The following RHPN2 variants were observed in gnomAD, a reference collection of about 807,000 sequenced individuals.
RHPN2 encodes the protein rhophilin Rho GTPase binding protein 2, also known as rhophilin-2.
In RHPN2, 40 loss-of-function variants were observed where a neutral mutation model predicts 79.0. The observed-to-expected ratio is 0.51, with a 90% confidence interval of 0.39 to 0.66. The LOEUF (loss-of-function observed/expected upper bound fraction) is 0.66. Among genes scored for constraint, RHPN2 ranks in the 30% least tolerant of loss-of-function variants. RHPN2 has a pLI of 0.00. For missense variants in RHPN2, 686 were observed against 883.5 expected, an observed-to-expected ratio of 0.78 and a Z score of 2.83; for synonymous variants, 285 against 363.5, an observed-to-expected ratio of 0.78 and a Z score of 2.46.
chr19:32,987,386 T>C lies in RHPN2; in HGVS notation c.1800+3128A>G, dbSNP rs149796171. Reference sequence around the variant, plus strand: ...TTTATATCCATGGACTCAAAATCCATTGGCTCTCTGGCCCTCTCTCAACTG... The same window carrying C: ...TTTATATCCATGGACTCAAAATCCACTGGCTCTCTGGCCCTCTCTCAACTG... On this transcript the variant is annotated intron_variant, in intron 14 of 14. Transcript: ENST00000254260. Among the ~76,000 whole-genome samples, 589 of 152,314 alleles carry C rather than the reference T, an allele frequency of 3.9e-3. 2 individuals carry two copies. Among genetic ancestry groups the C allele is most frequent in the African/African-American group, 0.014 (564 of 41,574 alleles).
intron 1 of RHPN2, among the ~76,000 whole-genome samples, chr19:33,059,024 G>A (rs1208446437): frequency 1.3e-5 from 2 of 152,000 alleles, no homozygotes; most frequent in East Asian, 3.9e-4. Flanking sequence ...GAACCCAGGA[G>A]GTGAAGGTTG....
intron 1 of RHPN2, among the ~76,000 whole-genome samples, chr19:33,045,128 T>C (rs1972132132): frequency 6.7e-6 from 1 of 149,332 alleles, no homozygotes; most frequent in Non-Finnish European, 1.5e-5. Flanking sequence ...CTCGGCTCAC[T>C]GCAATCTCCG....
chr19:32,997,439 TAAGAGAAGAC>T (rs1971711167), intron 10 of RHPN2, among the ~76,000 whole-genome samples: 1 of 151,808 alleles, frequency 6.6e-6, no homozygotes, highest in African/African-American at 2.4e-5. Flanking sequence ...GCGGAGATGG[TAAGAGAAGAC>T]TGGGAATGGG....
At chr19:33,044,448 C>T in intron 1 of RHPN2, 84 bp from the exon 2 acceptor site, 1 of 883,444 alleles carries the variant, frequency 1.1e-6, no homozygotes, top group East Asian at 2.6e-5. Flanking sequence ...AAATGTTTAA[C>T]TTTAAAAATA....
chr19:32,993,865 C>G (rs1280753366), intron 12 of RHPN2, 112 bp downstream of exon 12: 2 of 815,418 alleles, frequency 2.5e-6, no homozygotes. Context: ...GTCATAAGCC[C>G]CCCAGTTTGA....
Position 33,002,534 on chromosome 19 carries a change from A to C in RHPN2, c.949-131T>G, listed in dbSNP as rs556458246. On this transcript the variant is annotated intron_variant, in intron 8 of 14. Transcript: ENST00000254260. Reference sequence around the variant, plus strand: ...AGGGGCTGCTCCAGAATCTGGGAGCAACTCCAAGAGACCCCTCGTTCTGTC... The same window carrying C: ...AGGGGCTGCTCCAGAATCTGGGAGCCACTCCAAGAGACCCCTCGTTCTGTC... 199 of 1,115,886 alleles carry C rather than the reference A, an allele frequency of 1.8e-4. 2 individuals are homozygous for C. Among genetic ancestry groups the C allele is most frequent in the Middle Eastern group, 1.1e-3 (4 of 3,520 alleles). The allele number at this position is 1,115,886 out of a possible 1,614,324, so 69.1% of individuals were successfully genotyped here.
intron 1 of RHPN2, among the ~76,000 whole-genome samples, chr19:33,054,620 G>A (rs1250512821): frequency 6.6e-6 from 1 of 152,174 alleles, no homozygotes; most frequent in Non-Finnish European, 1.5e-5. Flanking sequence ...TGCTCCAAGT[G>A]GGGAACCTTG....
chr19:32,985,876 C>G (rs1971609818), intron 14 of RHPN2, among the ~76,000 whole-genome samples: 2 of 152,204 alleles, frequency 1.3e-5, no homozygotes, highest in Non-Finnish European at 2.9e-5. Flanking sequence ...AAGTGATCCG[C>G]CGGCCTTGGC....
intron 7 of RHPN2, among the ~76,000 whole-genome samples, chr19:33,007,473 G>A (rs1433796680): frequency 6.7e-6 from 1 of 149,066 alleles, no homozygotes; most frequent in Non-Finnish European, 1.5e-5. Context: ...TGCAACAAGA[G>A]CAAAACTCCA....
intron 4 of RHPN2, among the ~76,000 whole-genome samples, chr19:33,016,542 G>A (rs1341651108): frequency 6.6e-6 from 1 of 152,026 alleles, no homozygotes; most frequent in Non-Finnish European, 1.5e-5. Context: ...TTAGCTGGGT[G>A]TGGTGGTGGG....
intron 2 of RHPN2, among the ~76,000 whole-genome samples, chr19:33,034,783 C>CAAA (rs58456679): frequency 7.9e-5 from 4 of 50,900 alleles, no homozygotes; most frequent in Admixed American, 2.7e-4. Context: ...GACTCCATCT[C>CAAA]AAAAAAAAAA....
At chr19:33,007,907 G>T in intron 7 of RHPN2, 107 bp downstream of exon 7, 9 of 961,718 alleles carry the variant, frequency 9.4e-6, no homozygotes, top group Non-Finnish European at 7.3e-6. Flanking sequence ...CTGGAGACTG[G>T]TCTGGCCCTT....
rs1174416898 is a variant in RHPN2 at position 33,064,826 on chromosome 19, G to A, written c.27C>T (p.Ala9=). Residue 9 remains alanine (A), a synonymous_variant, in exon 1 of 15, where the codon GCC becomes GCT. Coordinates refer to ENST00000254260, the MANE Select transcript of RHPN2 (RefSeq NM_033103.5). ...CGTTCTCCTTCTCCAGCGGCTGGGG[G>A]GCCGCGGGCAACAGCGCGTCGGTCA... MTDALLPA[A]PQPLEKENDG... The A allele has an allele frequency of 6.6e-6, 10 of 1,520,256 alleles. No individual in the cohort carries two copies. The highest frequency in any genetic ancestry group is 7.9e-6 in the Non-Finnish European group (9 of 1,140,722). 94.2% of individuals were successfully genotyped at this position (1,520,256 alleles called of 1,614,324 possible).
intron 4 of RHPN2, among the ~76,000 whole-genome samples, chr19:33,018,512 A>G (rs1599820262): frequency 1.3e-5 from 2 of 152,196 alleles, no homozygotes; most frequent in Non-Finnish European, 2.9e-5. Context: ...GCAGTGTGGC[A>G]TAAAGCTGCA....
intron 1 of RHPN2, among the ~76,000 whole-genome samples, chr19:33,046,562 C>T (rs769531717): frequency 2.6e-5 from 4 of 152,084 alleles, no homozygotes; most frequent in East Asian, 1.9e-4. Flanking sequence ...CCACTGAGCC[C>T]GGTCTAGATC....
At chr19:33,003,786 TAGAA>T (rs1241629255) in intron 7 of RHPN2, among the ~76,000 whole-genome samples, 3 of 151,942 alleles carry the variant, frequency 2.0e-5, no homozygotes, top group Non-Finnish European at 4.4e-5. Flanking sequence ...TTCACAGAAA[TAGAA>T]AGGAGAATAG....
At chr19:33,031,196 ATTCTATTCTATTCT>A (rs1212017269) in intron 2 of RHPN2, among the ~76,000 whole-genome samples, 1 of 144,368 alleles carries the variant, frequency 6.9e-6, no homozygotes, top group Non-Finnish European at 1.5e-5. Flanking sequence ...TCAGAATTTT[ATTCTATTCTATTCT>A]TTCTATTCTA....
At position 32,996,298 on chromosome 19, in the gene RHPN2, G is replaced by C; in HGVS notation, c.1226-78C>G. 12 of 1,483,910 alleles carry C rather than the reference G, an allele frequency of 8.1e-6. No individual in the cohort carries two copies. The South Asian group carries it at 1.3e-4, about 16-fold the overall frequency. 91.9% of individuals were successfully genotyped at this position (1,483,910 alleles called of 1,614,324 possible). The stretch of plus-strand genomic sequence containing the variant: ...TAAAGGCCCAAGGGGCAGCCCAAGA[G>C]GTTGGATGTTCTCTTTTCTAAAGGA... On this transcript the variant is annotated intron_variant, in intron 10 of 14. Coordinates refer to ENST00000254260, the MANE Select transcript of RHPN2 (RefSeq NM_033103.5).
chr19:33,002,393 A>T lies in RHPN2; in HGVS notation c.959T>A (p.Val320Asp), dbSNP rs1463778085. Residue 320 changes from valine to aspartate, a missense_variant, in exon 9 of 15, where the codon GTC becomes GAC. Physicochemically the swap from Val to Asp is radical, Grantham distance 152 (BLOSUM62 -3). Transcript: ENST00000254260. ...CATGGCTGCGTGTAGCTGTTGGTAG[A>T]CCTCTCCCACCTGAAATAGAAGGGA... Reference protein sequence around the residue: ...VAQEAAKVGEVYQQLHAAMSQ... With the variant: ...VAQEAAKVGEDYQQLHAAMSQ... 1 of 1,613,570 alleles carries T rather than the reference A, an allele frequency of 6.2e-7. No individual in the cohort carries two copies. Among genetic ancestry groups the T allele is most frequent in the Admixed American group, 1.7e-5 (1 of 59,960 alleles).
Sources: allele counts gnomAD v4.1 joint callset (sites outside exome capture counted in the v4.1 genomes callset), GRCh38; gene constraint gnomAD v4.1.1; transcripts MANE v1.5; gene names NCBI Gene and HGNC (gene_info 2026-07-23, HGNC 2026-07-21).